The following CRMP1 variants were observed in gnomAD, a reference collection of about 807,000 sequenced individuals.
CRMP1 encodes the protein collapsin response mediator protein 1, also known as dihydropyrimidinase-related protein 1.
Under a neutral mutation model 68.3 loss-of-function variants are expected in CRMP1, and 19 were observed. That is an observed-to-expected ratio of 0.28 (90% CI 0.19 to 0.41). The LOEUF (loss-of-function observed/expected upper bound fraction) is 0.41. Ranked by LOEUF, CRMP1 falls within the 10% of genes least tolerant of loss-of-function variation. CRMP1 has a pLI of 1.00. For synonymous variants in CRMP1, 439 were observed against 399.6 expected (o/e 1.10, Z -1.18); for missense variants, 791 against 967.4 (o/e 0.82, Z 2.42).
chr4:5,856,024 G>T, intron 4 of CRMP1, 119 bp downstream of exon 4: 1 of 1,169,770 alleles, frequency 8.5e-7, no homozygotes, highest in Non-Finnish European at 1.2e-6. Flanking sequence ...GTGGCAGAGT[G>T]CAGCTCATAA....
In CRMP1 at chr4:5,892,949, C is replaced by A. The variant is rs1716019725; in HGVS notation, c.21G>T (p.Ala7=). ...CGGGCAGGTCGTCCTCGGTGTTCCA[C>A]GCGCGCCGCCGGTCCGCCATACCCG... MADRRR[A]WNTEDDLPVY... The change falls in exon 1 of 14, where the codon GCG becomes GCT. Residue 7 remains alanine (A), a synonymous_variant. Transcript: ENST00000324989. The surrounding 1 kb of genome is among the most constrained non-coding windows in gnomAD (Gnocchi z 8.6). The A allele has an allele frequency of 4.0e-6, 5 of 1,236,810 alleles. No individual in the cohort carries two copies. Among genetic ancestry groups the A allele is most frequent in the Admixed American group, 4.2e-5 (1 of 23,638 alleles). The allele number at this position is 1,236,810 out of a possible 1,614,324, so 76.6% of individuals were successfully genotyped here.
At position 5,889,745 on chromosome 4, in the gene CRMP1, T is replaced by C; in HGVS notation, c.381+2844A>G. The C allele has an allele frequency of 1.3e-6, 2 of 1,535,242 alleles. No homozygotes were observed. The highest frequency in any genetic ancestry group is 1.7e-6 in the Non-Finnish European group (2 of 1,146,338). ...CAGAGCGAGGGTGGCCTAGGCTTGGTACAGCTCCCCCAGCACTGTGGTTGG... is the reference window on the plus strand; with the variant it reads ...CAGAGCGAGGGTGGCCTAGGCTTGGCACAGCTCCCCCAGCACTGTGGTTGG... On this transcript the variant is annotated intron_variant, in intron 1 of 13. Transcript: ENST00000324989. This position sits in a 1 kb window ranked among gnomAD's most constrained non-coding sequence, Gnocchi z 4.5.
chr4:5,871,399 A>G (rs1354455327), intron 1 of CRMP1, among the ~76,000 whole-genome samples: 2 of 152,082 alleles, frequency 1.3e-5, no homozygotes, highest in East Asian at 1.9e-4. Context: ...GGTGGCTCAC[A>G]CCTGTAATCC....
intron 1 of CRMP1, among the ~76,000 whole-genome samples, chr4:5,880,691 G>A (rs1470870081): frequency 6.6e-6 from 1 of 152,212 alleles, no homozygotes; most frequent in Non-Finnish European, 1.5e-5. Context: ...CACCACTTCA[G>A]GGGCCCCCAC....
chr4:5,829,012 ATG>A (rs751825532), intron 11 of CRMP1, among the ~76,000 whole-genome samples: 52 of 151,698 alleles, frequency 3.4e-4, no homozygotes, highest in Non-Finnish European at 5.3e-4. Context: ...TTTACTTAAA[ATG>A]TGTCTTTAAA....
chr4:5,825,865 A>G lies in CRMP1; in HGVS notation c.1804-206T>C. 1 of 562,554 alleles carries G rather than the reference A, an allele frequency of 1.8e-6. No homozygotes were observed. Among genetic ancestry groups the G allele is most frequent in the Non-Finnish European group, 3.1e-6 (1 of 322,718 alleles). The allele number at this position is 562,554 out of a possible 1,614,324, so 34.8% of individuals were successfully genotyped here. A position where few individuals can be genotyped will look rare whatever the true frequency, so the allele number is the denominator to read the frequency against. ...CATTCATACACACAAGCATGCATAC[A>G]CACACATCTACATACCCACATGCAT... is the stretch of plus-strand genomic sequence containing the variant. On this transcript the variant is annotated intron_variant, in intron 12 of 13. Coordinates refer to ENST00000324989, the MANE Select transcript of CRMP1 (RefSeq NM_001014809.3). This position sits in a 1 kb window ranked among gnomAD's most constrained non-coding sequence, Gnocchi z 4.4.
Position 5,882,545 on chromosome 4 carries a change from A to G in CRMP1, c.381+10044T>C, listed in dbSNP as rs576610946. 1.5e-4 allele frequency among the ~76,000 whole-genome samples: 23 copies of G among 152,378 alleles called. No individual in the cohort carries two copies. The South Asian group carries it at 3.9e-3, about 26-fold the overall frequency. On this transcript the variant is annotated intron_variant, in intron 1 of 13. Coordinates refer to ENST00000324989, the MANE Select transcript of CRMP1 (RefSeq NM_001014809.3). ...TATTTTAAGCATCTTACACATATTA[A>G]GTCATTTAATTCTATGGGGAAAAAA... is the stretch of plus-strand genomic sequence containing the variant.
chr4:5,870,313 T>C lies in CRMP1; in HGVS notation c.382-3557A>G, dbSNP rs1714350081. On this transcript the variant is annotated intron_variant, in intron 1 of 13. Transcript: ENST00000324989. This position sits in a 1 kb window ranked among gnomAD's most constrained non-coding sequence, Gnocchi z 6.0. ...GTATTCACAGTATTTACGGCACATCTGGCAGGCTATGTATTTCTAGGTCTG... is the reference window on the plus strand; with the variant it reads ...GTATTCACAGTATTTACGGCACATCCGGCAGGCTATGTATTTCTAGGTCTG... 6.6e-6 allele frequency among the ~76,000 whole-genome samples: 1 copy of C among 152,230 alleles called. No homozygotes were observed. The highest frequency in any genetic ancestry group is 2.1e-4 in the South Asian group (1 of 4,830).
At chr4:5,886,300 A>G (rs1022601940) in intron 1 of CRMP1, among the ~76,000 whole-genome samples, 2 of 152,252 alleles carry the variant, frequency 1.3e-5, no homozygotes, top group African/African-American at 4.8e-5. Flanking sequence ...TTTCACAGGA[A>G]GAACTAAAGC....
chr4:5,876,157 A>T (rs1325297879), intron 1 of CRMP1, among the ~76,000 whole-genome samples: 1 of 151,976 alleles, frequency 6.6e-6, no homozygotes, highest in Non-Finnish European at 1.5e-5. Flanking sequence ...CATCTCAAAA[A>T]AAAAAAAAAG....
At chr4:5,836,577 A>T (rs1720741218) in intron 10 of CRMP1, among the ~76,000 whole-genome samples, 188 bp downstream of exon 10, 1 of 152,260 alleles carries the variant, frequency 6.6e-6, no homozygotes, top group Admixed American at 6.5e-5. Context: ...CCACAAATGC[A>T]GAGGCCTCTC....
At chr4:5,885,331 G>A (rs951542576) in intron 1 of CRMP1, among the ~76,000 whole-genome samples, 1 of 152,144 alleles carries the variant, frequency 6.6e-6, no homozygotes, top group Non-Finnish European at 1.5e-5. Context: ...GAGGGGCACA[G>A]GATGACCCAG....
Position 5,856,303 on chromosome 4 carries a change from G to C in CRMP1, c.660C>G (p.Asp220Glu). Residue 220 changes from aspartate to glutamate, a missense_variant, in exon 4 of 14, where the codon GAC becomes GAG. Asp to Glu is a conservative substitution (Grantham distance 45). Coordinates refer to ENST00000324989, the MANE Select transcript of CRMP1 (RefSeq NM_001014809.3). ...ALVGGTTMII[D>E]HVVPEPGSSL... ...TGGACCCAGGTTCAGGAACAACATG[G>C]TCAACTGGGACAGAGAAATATGCAT... 1 of 1,613,258 alleles carries C rather than the reference G, an allele frequency of 6.2e-7. No individual in the cohort carries two copies. Among genetic ancestry groups the C allele is most frequent in the Non-Finnish European group, 8.5e-7 (1 of 1,179,624 alleles).
intron 1 of CRMP1, among the ~76,000 whole-genome samples, chr4:5,868,275 A>C (rs1038204485): frequency 0.012 from 906 of 77,624 alleles, 14 homozygotes; most frequent in African/African-American, 0.025. Context: ...ATATATATAT[A>C]TATATATATA....
rs747958342 is a variant in CRMP1 at position 5,821,752 on chromosome 4, A to C, written c.*8T>G. The C allele has an allele frequency of 1.2e-6, 2 of 1,605,294 alleles. No individual in the cohort carries two copies. The highest frequency in any genetic ancestry group is 2.2e-5 in the East Asian group (1 of 44,622). ...ATCCTTCAGGCTAGCTCCTCCGCGC[A>C]TCCACGTTCAACCGAGGCTGGTGAT... On this transcript the variant is annotated 3_prime_UTR_variant, in exon 14 of 14. Coordinates refer to ENST00000324989, the MANE Select transcript of CRMP1 (RefSeq NM_001014809.3). This position sits in a 1 kb window ranked among gnomAD's most constrained non-coding sequence, Gnocchi z 4.4.
Position 5,888,434 on chromosome 4 carries a change from G to A in CRMP1, c.381+4155C>T. 3.3e-6 allele frequency: 4 copies of A among 1,215,160 alleles called. No homozygotes were observed. The highest frequency in any genetic ancestry group is 3.1e-6 in the Non-Finnish European group (3 of 977,518). 75.3% of individuals were successfully genotyped at this position (1,215,160 alleles called of 1,614,324 possible). A position where few individuals can be genotyped will look rare whatever the true frequency, so the allele number is the denominator to read the frequency against. ...ATGCCCACGCGCGGCTGCCCCGGCTGCTCGGCCCGCCCGCCGCCGCTCCGG... is the reference window on the plus strand; with the variant it reads ...ATGCCCACGCGCGGCTGCCCCGGCTACTCGGCCCGCCCGCCGCCGCTCCGG... On this transcript the variant is annotated intron_variant, in intron 1 of 13. Transcript: ENST00000324989. The surrounding 1 kb of genome is among the most constrained non-coding windows in gnomAD (Gnocchi z 6.4).
In CRMP1 at chr4:5,884,658, T is replaced by C. The variant is rs1313754865; in HGVS notation, c.381+7931A>G. 2.0e-5 allele frequency among the ~76,000 whole-genome samples: 3 copies of C among 152,176 alleles called. No homozygotes were observed. In the East Asian group the frequency reaches 5.8e-4, roughly 29 times the overall value. On this transcript the variant is annotated intron_variant, in intron 1 of 13. Transcript: ENST00000324989. ...AGAGGGGTGATCTACCTAGGCTGCC[T>C]TTCTCACAGTTCTGTGCATAGAACT... is the stretch of plus-strand genomic sequence containing the variant.
In CRMP1 at chr4:5,820,887, A is replaced by G. The variant is rs963662076; in HGVS notation, c.*873T>C. 6 of 151,930 alleles carry G rather than the reference A, an allele frequency of 3.9e-5. No homozygotes were observed. The highest frequency in any genetic ancestry group is 8.8e-5 in the Non-Finnish European group (6 of 67,944). The allele number at this position is 151,930 out of a possible 1,614,324, so 9.4% of individuals were successfully genotyped here. A position where few individuals can be genotyped will look rare whatever the true frequency, so the allele number is the denominator to read the frequency against. On this transcript the variant is annotated 3_prime_UTR_variant, in exon 14 of 14. Transcript: ENST00000324989. ...TAAAAATGGGAGTGATTACAAAGGAAAACTTTGTACAAAACTTTAAAAATC... is the reference window on the plus strand; with the variant it reads ...TAAAAATGGGAGTGATTACAAAGGAGAACTTTGTACAAAACTTTAAAAATC...
chr4:5,889,794 AC>A lies in CRMP1; in HGVS notation c.381+2794del. 6.6e-7 allele frequency: 1 copy of A among 1,523,236 alleles called. No individual in the cohort carries two copies. Among genetic ancestry groups the A allele is most frequent in the Non-Finnish European group, 8.8e-7 (1 of 1,138,674 alleles). The allele number at this position is 1,523,236 out of a possible 1,614,324, so 94.4% of individuals were successfully genotyped here. A position where few individuals can be genotyped will look rare whatever the true frequency, so the allele number is the denominator to read the frequency against. On this transcript the variant is annotated intron_variant, in intron 1 of 13. Coordinates refer to ENST00000324989, the MANE Select transcript of CRMP1 (RefSeq NM_001014809.3). The surrounding 1 kb of genome is among the most constrained non-coding windows in gnomAD (Gnocchi z 4.5). ...GGGGGCTGGGGCCCTGACCTTCACC[AC>A]CCCAGGGGCCAGTCCCCTAATCCAG...
Sources: gnomAD v4.1 joint callset for allele counts (sites outside exome capture counted in the v4.1 genomes callset) on GRCh38, gnomAD v4.1.1 for gene constraint, Gnocchi (gnomAD v3.1) non-coding constraint, MANE v1.5 for transcripts, NCBI Gene and HGNC (gene_info 2026-07-23, HGNC 2026-07-21) for gene names.